Variants in NSUN4 observed in about 807,000 individuals in gnomAD.
The protein encoded by NSUN4 is NOP2/Sun RNA methyltransferase 4, also known as 5-cytosine rRNA methyltransferase NSUN4.
Under a neutral mutation model 43.8 loss-of-function variants are expected in NSUN4, and 31 were observed. The ratio of observed to expected loss-of-function variants is 0.71; its 90% CI spans 0.53 to 0.96. The LOEUF is 0.96. Among genes scored for constraint, NSUN4 ranks in the 40% least tolerant of loss-of-function variants. NSUN4 has a pLI of 0.00. For synonymous variants in NSUN4, 167 were observed against 184.1 expected (o/e 0.91, Z 0.75); for missense variants, 439 against 475.6 (o/e 0.92, Z 0.72).
the NSUN4 span, among the ~76,000 whole-genome samples, chr1:46,383,448 G>GTT: frequency 0.014 from 1,424 of 102,202 alleles, 30 homozygotes; most frequent in African/African-American, 0.037. Context: ...GTTGGCTGGT[G>GTT]TTTTTTTTTT....
the NSUN4 span, among the ~76,000 whole-genome samples, chr1:46,377,177 G>A: frequency 6.6e-6 from 1 of 151,994 alleles, no homozygotes; most frequent in Non-Finnish European, 1.5e-5. Flanking sequence ...AGCCTCCAGA[G>A]TAGCTGGGAT....
intron 5 of NSUN4, 26 bp downstream of exon 5, chr1:46,360,854 G>A: frequency 6.2e-7 from 1 of 1,612,354 alleles, no homozygotes; most frequent in Non-Finnish European, 8.5e-7. Flanking sequence ...TTAAACTCAG[G>A]ACTTTGTGCC....
rs1334242154 is a variant in NSUN4, at chr1:46,364,569, G to C, written c.*2723G>C. On this transcript the variant is annotated 3_prime_UTR_variant, in exon 6 of 6. Transcript: ENST00000474844. Reference sequence around the variant, plus strand: ...TGCCTGTAATCTCAGCTACTCAGTAGGCTGGAGCGGGAGAACTGCTTGAAC... The same window carrying C: ...TGCCTGTAATCTCAGCTACTCAGTACGCTGGAGCGGGAGAACTGCTTGAAC... The C allele has an allele frequency of 6.6e-6, 1 of 152,262 alleles. No homozygotes were observed. Among genetic ancestry groups the C allele is most frequent in the Non-Finnish European group, 1.5e-5 (1 of 68,138 alleles). The allele number at this position is 152,262 out of a possible 1,614,324, so 9.4% of individuals were successfully genotyped here. A position where few individuals can be genotyped will look rare whatever the true frequency, so the allele number is the denominator to read the frequency against.
chr1:46,367,763 C>CT (rs35109012), downstream of NSUN4, among the ~76,000 whole-genome samples: 4,115 of 124,562 alleles, frequency 0.033, 84 homozygotes, highest in Non-Finnish European at 0.045. Flanking sequence ...TCTGAAATTT[C>CT]TTTTTTTTTT....
At chr1:46,383,338 G>A in the NSUN4 span, among the ~76,000 whole-genome samples, 1 of 152,156 alleles carries the variant, frequency 6.6e-6, no homozygotes, top group Non-Finnish European at 1.5e-5. Flanking sequence ...GCACCCTGTG[G>A]TGCATGACCA....
Position 46,362,177 on chromosome 1 carries a change from G to A in NSUN4, c.*331G>A, listed in dbSNP as rs1663929076. ...ATAGGAGAAGCATTTGGCCAATAAAGTTGTTGAAACTCTATAGACCTGGGG... is the reference window on the plus strand; with the variant it reads ...ATAGGAGAAGCATTTGGCCAATAAAATTGTTGAAACTCTATAGACCTGGGG... On this transcript the variant is annotated 3_prime_UTR_variant, in exon 6 of 6. Transcript: ENST00000474844. The A allele has an allele frequency of 3.1e-6, 1 of 320,006 alleles. No homozygotes were observed. 19.8% of individuals were successfully genotyped at this position (320,006 alleles called of 1,614,324 possible).
chr1:46,345,328 C>A, intron 2 of NSUN4, 184 bp downstream of exon 2: 1 of 544,440 alleles, frequency 1.8e-6, no homozygotes, highest in South Asian at 2.7e-5. Context: ...CTGTCAGCAG[C>A]CTTATGAAGT....
At chr1:46,369,098 T>C (rs977526346), downstream of NSUN4, among the ~76,000 whole-genome samples, 3 of 152,228 alleles carry the variant, frequency 2.0e-5, no homozygotes, top group African/African-American at 7.2e-5. Context: ...TTTTCCCTTG[T>C]GCTTTCTTGC....
At chr1:46,341,034 T>C in intron 1 of NSUN4, 115 bp downstream of exon 1, 1 of 1,135,540 alleles carries the variant, frequency 8.8e-7, no homozygotes, top group Non-Finnish European at 1.2e-6. Flanking sequence ...CCACGGAACG[T>C]CCTTAGGCAC....
intron 5 of NSUN4, 128 bp downstream of exon 5, chr1:46,360,956 CAG>C (rs1319612914): frequency 9.7e-7 from 1 of 1,032,180 alleles, no homozygotes; most frequent in Non-Finnish European, 1.4e-6. Flanking sequence ...CTAGAGGAGA[CAG>C]AAATGGGATC....
At chr1:46,347,205 AG>A in intron 3 of NSUN4, 130 bp downstream of exon 3, 1 of 910,818 alleles carries the variant, frequency 1.1e-6, no homozygotes, top group South Asian at 1.8e-5. Flanking sequence ...TGGGAAGCCG[AG>A]GGAGGCGGAC....
intron 3 of NSUN4, among the ~76,000 whole-genome samples, chr1:46,349,992 C>T (rs1662862250): frequency 6.6e-6 from 1 of 152,188 alleles, no homozygotes; most frequent in Non-Finnish European, 1.5e-5. Context: ...CATCAAGCGA[C>T]AACTCTTGAT....
At chr1:46,375,038 A>G in the NSUN4 span, among the ~76,000 whole-genome samples, 1 of 152,246 alleles carries the variant, frequency 6.6e-6, no homozygotes, top group East Asian at 1.9e-4. Flanking sequence ...TTGTCAGTTA[A>G]AAATTAAATT....
the NSUN4 span, among the ~76,000 whole-genome samples, chr1:46,374,432 A>AC: frequency 0.22 from 33,916 of 151,230 alleles, 4,270 homozygotes; most frequent in Non-Finnish European, 0.29. Flanking sequence ...ACATGATGAA[A>AC]CCCCATCTCT....
chr1:46,367,246 C>T (rs1169635754), downstream of NSUN4, among the ~76,000 whole-genome samples: 1 of 152,178 alleles, frequency 6.6e-6, no homozygotes. Flanking sequence ...CTTAACACCA[C>T]CCTTTACCCT....
At chr1:46,369,056 T>A (rs1664197649), downstream of NSUN4, among the ~76,000 whole-genome samples, 2 of 152,216 alleles carry the variant, frequency 1.3e-5, no homozygotes, top group African/African-American at 4.8e-5. Flanking sequence ...TGCTTCTGGG[T>A]CAGGACAAAT....
chr1:46,369,662 C>G (rs1664206569), downstream of NSUN4, among the ~76,000 whole-genome samples: 1 of 151,982 alleles, frequency 6.6e-6, no homozygotes, highest in Non-Finnish European at 1.5e-5. Context: ...GCAGAGGGAA[C>G]AGTTCGTGTG....
At chr1:46,345,346 A>G (rs904132311) in intron 2 of NSUN4, 2 of 531,442 alleles carry the variant, frequency 3.8e-6, no homozygotes, top group Non-Finnish European at 6.6e-6. Context: ...AGTAGGTAAT[A>G]TTATTGCTGT....
intron 3 of NSUN4, among the ~76,000 whole-genome samples, chr1:46,351,550 G>T (rs1462320463): frequency 1.3e-5 from 2 of 151,948 alleles, no homozygotes; most frequent in Non-Finnish European, 1.5e-5. Context: ...TCTTGGCTGG[G>T]CATGGTGGCC....
Sources: allele counts gnomAD v4.1 joint callset (sites outside exome capture counted in the v4.1 genomes callset), GRCh38; gene constraint gnomAD v4.1.1; transcripts MANE v1.5; gene names NCBI Gene and HGNC (gene_info 2026-07-23, HGNC 2026-07-21).